The following C1orf185 variants were observed in gnomAD, a reference collection of about 807,000 sequenced individuals.
The protein encoded by C1orf185 is chromosome 1 open reading frame 185, also known as uncharacterized protein C1orf185.
In C1orf185, 13 loss-of-function variants were observed where a neutral mutation model predicts 16.1. The ratio of observed to expected loss-of-function variants is 0.81; its 90% CI spans 0.53 to 1.28. C1orf185 has a LOEUF of 1.28. C1orf185 is among the 50% of genes most tolerant of loss of function. The probability of loss-of-function intolerance (pLI) is 0.00; values close to 1 mark genes in which losing one functional copy is unlikely to be tolerated. For synonymous variants in C1orf185, 80 were observed against 76.9 expected (o/e 1.04, Z -0.21); for missense variants, 220 against 225.2 (o/e 0.98, Z 0.15).
At chr1:51,131,652 T>A (rs558813715) in intron 3 of C1orf185, among the ~76,000 whole-genome samples, 111 of 152,136 alleles carry the variant, frequency 7.3e-4, no homozygotes, top group Non-Finnish European at 1.2e-3. Context: ...AGAAAAAAAA[T>A]TTAAAAAGAT....
chr1:51,111,181 A>G (rs147299107), intron 1 of C1orf185, among the ~76,000 whole-genome samples: 2,475 of 152,016 alleles, frequency 0.016, 42 homozygotes, highest in Non-Finnish European at 0.024. Flanking sequence ...GGATAAGATA[A>G]TAGGAAAAAA....
At chr1:51,115,756 G>C (rs1480997577) in intron 2 of C1orf185, among the ~76,000 whole-genome samples, 1 of 152,200 alleles carries the variant, frequency 6.6e-6, no homozygotes, top group East Asian at 1.9e-4. Context: ...TGAAAGCAGA[G>C]AGACAAGTCT....
intron 1 of C1orf185, among the ~76,000 whole-genome samples, chr1:51,109,087 ATTT>A (rs1570287355): frequency 6.6e-6 from 1 of 152,092 alleles, no homozygotes; most frequent in East Asian, 1.9e-4. Context: ...AGCATTTGTT[ATTT>A]TTTGTCTTTT....
chr1:51,120,443 T>C (rs1646189918), intron 3 of C1orf185, among the ~76,000 whole-genome samples: 1 of 152,154 alleles, frequency 6.6e-6, no homozygotes, highest in South Asian at 2.1e-4. Flanking sequence ...GTTGTGGGAT[T>C]AAAGGAATTA....
At chr1:51,102,397 T>C (rs1019481224) in intron 1 of C1orf185, 148 bp downstream of exon 1, 10 of 463,740 alleles carry the variant, frequency 2.2e-5, no homozygotes, top group Non-Finnish European at 3.9e-5. Flanking sequence ...ACAGTAGAAA[T>C]TGTAAAGTTA....
chr1:51,112,684 G>A, intron 2 of C1orf185, 115 bp downstream of exon 2: 1 of 1,027,576 alleles, frequency 9.7e-7, no homozygotes, highest in Non-Finnish European at 1.4e-6. Context: ...GTTTAGTTTG[G>A]GATTTGGTTA....
At chr1:51,109,275 G>T (rs1399930140) in intron 1 of C1orf185, among the ~76,000 whole-genome samples, 2 of 151,908 alleles carry the variant, frequency 1.3e-5, no homozygotes, top group Non-Finnish European at 2.9e-5. Flanking sequence ...ATGTTTCTTT[G>T]ATGCTGAGTT....
chr1:51,125,062 C>T (rs1339610932), intron 3 of C1orf185, among the ~76,000 whole-genome samples: 1 of 152,180 alleles, frequency 6.6e-6, no homozygotes, highest in Middle Eastern at 3.2e-3. Flanking sequence ...GGATACCTTA[C>T]CCAAAGGGCC....
chr1:51,124,851 G>A (rs1051177160), intron 3 of C1orf185, among the ~76,000 whole-genome samples: 8 of 152,130 alleles, frequency 5.3e-5, no homozygotes, highest in African/African-American at 1.7e-4. Context: ...TATTCTGTCT[G>A]GACAAGATCC....
intron 1 of C1orf185, among the ~76,000 whole-genome samples, chr1:51,103,900 T>C (rs993186534): frequency 2.6e-4 from 39 of 152,350 alleles, no homozygotes; most frequent in South Asian, 6.2e-4. Flanking sequence ...TGAGATAGTA[T>C]GATTCTCATT....
chr1:51,111,370 C>CTATTTTTTTTTTTTTTTT (rs1646117799), intron 1 of C1orf185, among the ~76,000 whole-genome samples: 1 of 114,436 alleles, frequency 8.7e-6, no homozygotes, highest in Non-Finnish European at 1.8e-5. Context: ...AGCTTTCTTT[C>CTATTTTTTTTTTTTTTTT]TTTCTTTTTT....
intron 3 of C1orf185, among the ~76,000 whole-genome samples, chr1:51,143,601 T>G (rs12059321): frequency 0.012 from 1,898 of 152,300 alleles, 40 homozygotes; most frequent in African/African-American, 0.044. Flanking sequence ...ATGCATTGTA[T>G]TAATATCTAT....
intron 1 of C1orf185, among the ~76,000 whole-genome samples, chr1:51,103,213 C>T (rs1265489656): frequency 6.6e-6 from 1 of 151,700 alleles, no homozygotes; most frequent in African/African-American, 2.4e-5. Flanking sequence ...CAAGACGAAC[C>T]TGGGCAACAT....
chr1:51,146,331 G>T (rs1411955303), intron 4 of C1orf185, among the ~76,000 whole-genome samples: 1 of 151,532 alleles, frequency 6.6e-6, no homozygotes, highest in Non-Finnish European at 1.5e-5. Flanking sequence ...TGGTGGCGCA[G>T]GCCTGTAATC....
At chr1:51,135,151 T>G (rs929550513) in intron 3 of C1orf185, among the ~76,000 whole-genome samples, 1 of 152,236 alleles carries the variant, frequency 6.6e-6, no homozygotes, top group Non-Finnish European at 1.5e-5. Context: ...TTATTCACCA[T>G]GATCAAGTAG....
rs1357003966 is a variant in C1orf185, at chr1:51,112,580, T to C, written c.122+11T>C. 1.3e-6 allele frequency: 2 copies of C among 1,514,604 alleles called. No homozygotes were observed. Among genetic ancestry groups the C allele is most frequent in the Non-Finnish European group, 1.8e-6 (2 of 1,130,462 alleles). The allele number at this position is 1,514,604 out of a possible 1,614,324, so 93.8% of individuals were successfully genotyped here. On this transcript the variant is annotated intron_variant, in intron 2 of 4. Transcript: ENST00000371759. ...GATTTGCAAACGAAGGTAAGGATTATTCGAATATTTCTTTAACCTTTTTTT... is the reference window on the plus strand; with the variant it reads ...GATTTGCAAACGAAGGTAAGGATTACTCGAATATTTCTTTAACCTTTTTTT...
intron 2 of C1orf185, among the ~76,000 whole-genome samples, chr1:51,117,920 T>G (rs1346666384): frequency 6.6e-5 from 10 of 152,074 alleles, no homozygotes; most frequent in Admixed American, 5.2e-4. Flanking sequence ...TTCCTCTTAT[T>G]TATTTATTTT....
At chr1:51,103,580 C>T (rs1646048986) in intron 1 of C1orf185, among the ~76,000 whole-genome samples, 1 of 149,196 alleles carries the variant, frequency 6.7e-6, no homozygotes, top group South Asian at 2.1e-4. Flanking sequence ...GTCACCCAGG[C>T]TGGAGTGCAG....
intron 1 of C1orf185, among the ~76,000 whole-genome samples, chr1:51,104,255 A>G (rs888015632): frequency 3.9e-5 from 6 of 152,228 alleles, no homozygotes; most frequent in African/African-American, 1.4e-4. Context: ...AGAAGAGCAA[A>G]ATAAACAGGT....
Sources: gnomAD v4.1 joint callset for allele counts (sites outside exome capture counted in the v4.1 genomes callset) on GRCh38, gnomAD v4.1.1 for gene constraint, MANE v1.5 for transcripts, NCBI Gene and HGNC (gene_info 2026-07-23, HGNC 2026-07-21) for gene names.